The following RBFOX1 variants were observed in gnomAD, a reference collection of about 807,000 sequenced individuals.
The protein encoded by RBFOX1 is RNA binding fox-1 homolog 1, also known as RNA binding protein fox-1 homolog 1.
Under a neutral mutation model 57.7 loss-of-function variants are expected in RBFOX1, and 8 were observed. The observed-to-expected ratio is 0.14, with a 90% CI of 0.08 to 0.25. The LOEUF (loss-of-function observed/expected upper bound fraction) is 0.25. Among genes scored for constraint, RBFOX1 ranks in the 10% least tolerant of loss-of-function variants. The pLI is 1.00. For missense variants in RBFOX1, 611 were observed against 548.5 expected (o/e 1.11, Z -1.14); for synonymous variants, 326 against 222.4 (o/e 1.47, Z -4.15).
chr16:5,599,434 G>A, exon 3 of RBFOX1: 1 of 559,780 alleles, frequency 1.8e-6, no homozygotes, highest in South Asian at 2.5e-5. Flanking sequence ...TGGGATGATG[G>A]CAGTGAATTC....
chr16:6,073,388 T>C (rs973182275), intron 1 of RBFOX1, among the ~76,000 whole-genome samples: 3 of 152,340 alleles, frequency 2.0e-5, no homozygotes, highest in African/African-American at 7.2e-5. Flanking sequence ...ACACTGTAGG[T>C]ACTTCTATCT....
chr16:6,260,224 A>G (rs187926199), intron 1 of RBFOX1, among the ~76,000 whole-genome samples: 1 of 152,300 alleles, frequency 6.6e-6, no homozygotes, highest in East Asian at 1.9e-4. Context: ...GACAATTGAT[A>G]TATTGCCGCA....
At position 6,255,833 on chromosome 16, in the gene RBFOX1, T is replaced by C. The variant is rs545457619; in HGVS notation, c.-126-61162T>C. 2.1e-3 allele frequency among the ~76,000 whole-genome samples: 314 copies of C among 151,192 alleles called. 3 individuals carry two copies. Among genetic ancestry groups the C allele is most frequent in the Middle Eastern group, 0.01 (3 of 294 alleles). The stretch of plus-strand genomic sequence containing the variant: ...GCATGTTCTCACTGATAAGAGGGAG[T>C]TGAACAATGAGAATACATGGATACA... On this transcript the variant is annotated intron_variant, in intron 1 of 15. Transcript: ENST00000550418.
chr16:6,268,700 T>C (rs575871679), intron 1 of RBFOX1, among the ~76,000 whole-genome samples: 1 of 152,326 alleles, frequency 6.6e-6, no homozygotes, highest in Admixed American at 6.5e-5. Context: ...AGTCAGGTGT[T>C]TGTTCTTAGG....
chr16:6,250,236 T>C (rs2097597812), intron 1 of RBFOX1, among the ~76,000 whole-genome samples: 1 of 152,186 alleles, frequency 6.6e-6, no homozygotes, highest in Non-Finnish European at 1.5e-5. Context: ...TACATTCTGT[T>C]TCTAGTCCTG....
At chr16:5,948,807 G>C (rs1285032001) in intron 4 of RBFOX1, among the ~76,000 whole-genome samples, 2 of 152,150 alleles carry the variant, frequency 1.3e-5, no homozygotes, top group Non-Finnish European at 2.9e-5. Context: ...TGCTTAGATT[G>C]TGTTACTTTC....
rs577200311 is a variant in RBFOX1, at chr16:5,460,917, T to G, written c.220-6299T>G. On this transcript the variant is annotated intron_variant, in intron 1 of 2. Transcript: ENST00000585867. The stretch of plus-strand genomic sequence containing the variant: ...AGTAGCGATTACACATATTGTCACT[T>G]GTCATCAGGAAGGGGGGTGGGTGGT... Among the ~76,000 whole-genome samples, 10 of 152,302 alleles carry G rather than the reference T, an allele frequency of 6.6e-5. No homozygotes were observed. The East Asian group carries it at 1.9e-3, about 29-fold the overall frequency.
In RBFOX1 at chr16:5,791,287, A is replaced by G. The variant is rs571161073; in HGVS notation, c.319-76016A>G. Among the ~76,000 whole-genome samples the G allele has an allele frequency of 3.9e-5, 6 of 152,356 alleles. No individual in the cohort carries two copies. In the South Asian group the frequency reaches 1.2e-3, roughly 32 times the overall value. Reference sequence around the variant, plus strand: ...TATTTTCTATCGCACTAAAAAATGTAGCTCTAACTGATAAAAAGATCAATG... The same window carrying G: ...TATTTTCTATCGCACTAAAAAATGTGGCTCTAACTGATAAAAAGATCAATG... On this transcript the variant is annotated intron_variant, in intron 3 of 19. Coordinates refer to the RBFOX1 transcript ENST00000641259.
intron 2 of RBFOX1, among the ~76,000 whole-genome samples, chr16:6,360,151 A>G (rs1257863953): frequency 1.3e-5 from 2 of 152,198 alleles, no homozygotes; most frequent in Admixed American, 6.5e-5. Context: ...CAATTAAAAA[A>G]AATATAGATT....
rs187475547 is a variant in RBFOX1, at chr16:6,679,317, A to T, written c.-16+24667A>T. 2.6e-5 allele frequency among the ~76,000 whole-genome samples: 4 copies of T among 152,196 alleles called. No homozygotes were observed. The East Asian group carries it at 5.8e-4, about 22-fold the overall frequency. ...ATCATGGTAAAGGTGACTCAAGGAG[A>T]AGATAACAATGACGAGCTTGATATG... is the stretch of plus-strand genomic sequence containing the variant. On this transcript the variant is annotated intron_variant, in intron 3 of 15. Coordinates refer to ENST00000550418, the MANE Select transcript of RBFOX1 (RefSeq NM_018723.4).
chr16:7,317,195 C>T (rs2096460598), intron 4 of RBFOX1, among the ~76,000 whole-genome samples: 1 of 151,994 alleles, frequency 6.6e-6, no homozygotes, highest in African/African-American at 2.4e-5. Flanking sequence ...AAGAAACGGC[C>T]AGGAGTAAAA....
chr16:5,360,254 C>T (rs1359293565), intron 1 of RBFOX1, among the ~76,000 whole-genome samples: 1 of 152,180 alleles, frequency 6.6e-6, no homozygotes. Flanking sequence ...TGTGGGAAGG[C>T]TGGAGGGCGA....
chr16:5,256,338 G>T (rs569350098), intron 1 of RBFOX1, among the ~76,000 whole-genome samples: 1 of 152,272 alleles, frequency 6.6e-6, no homozygotes, highest in Admixed American at 6.5e-5. Context: ...CTGGCTGGAA[G>T]TCCACCAGAT....
chr16:7,075,663 G>C (rs8057786), intron 4 of RBFOX1, among the ~76,000 whole-genome samples: 124,861 of 152,170 alleles, frequency 0.82, 51,816 homozygotes, highest in African/African-American at 0.94. Flanking sequence ...TCACTGCAAG[G>C]TCCGCCTCTC....
chr16:7,139,172 C>CTGTGTGTGTG (rs1466048089), intron 4 of RBFOX1, among the ~76,000 whole-genome samples: 7 of 16,568 alleles, frequency 4.2e-4, no homozygotes, highest in African/African-American at 1.5e-3. Context: ...AAATCAATCT[C>CTGTGTGTGTG]TCTCTGTGTG....
intron 2 of RBFOX1, among the ~76,000 whole-genome samples, chr16:6,468,313 G>A (rs1177095675): frequency 1.4e-4 from 21 of 152,128 alleles, no homozygotes; most frequent in African/African-American, 4.8e-4. Context: ...TTGGCAGAAT[G>A]GCAAGGCTAC....
At chr16:6,151,740 A>G (rs1357526739) in intron 1 of RBFOX1, among the ~76,000 whole-genome samples, 1 of 152,208 alleles carries the variant, frequency 6.6e-6, no homozygotes, top group Non-Finnish European at 1.5e-5. Context: ...AAAACTACAC[A>G]GTGTGGGTAT....
chr16:6,485,373 T>C (rs972550025), intron 2 of RBFOX1, among the ~76,000 whole-genome samples: 1 of 152,094 alleles, frequency 6.6e-6, no homozygotes, highest in African/African-American at 2.4e-5. Flanking sequence ...TCTCTCTTGG[T>C]CTCCCTCTGG....
intron 3 of RBFOX1, among the ~76,000 whole-genome samples, chr16:6,806,467 T>G (rs564026578): frequency 6.9e-4 from 105 of 152,210 alleles, no homozygotes; most frequent in Admixed American, 1.3e-3. Context: ...TTAAATAATT[T>G]CAGAAAGTAT....
Sources: allele counts gnomAD v4.1 joint callset (sites outside exome capture counted in the v4.1 genomes callset), GRCh38; gene constraint gnomAD v4.1.1; transcripts MANE v1.5; gene names NCBI Gene and HGNC (gene_info 2026-07-23, HGNC 2026-07-21).